LPP: variants seen among roughly 807,000 people sequenced by gnomAD.
LPP encodes the protein lipoma-preferred partner.
A neutral mutation model predicts 60.4 loss-of-function variants in LPP; 38 were observed. That is an observed-to-expected ratio of 0.63 (90% CI 0.49 to 0.83). The LOEUF is 0.83. Among genes scored for constraint, LPP ranks in the 40% least tolerant of loss-of-function variants. The pLI is 0.00. For missense variants in LPP, 902 were observed against 783.6 expected (o/e 1.15, Z -1.80); for synonymous variants, 328 against 290.8 (o/e 1.13, Z -1.30).
intron 3 of LPP, among the ~76,000 whole-genome samples, chr3:188,368,533 A>G (rs1477261064): frequency 6.6e-6 from 1 of 152,094 alleles, no homozygotes; most frequent in South Asian, 2.1e-4. Context: ...TTTATTAGTT[A>G]CTGACAAAAT....
At chr3:188,809,542 T>G (rs1437787009) in intron 9 of LPP, among the ~76,000 whole-genome samples, 2 of 152,216 alleles carry the variant, frequency 1.3e-5, no homozygotes, top group Admixed American at 6.5e-5. Context: ...TGGTTTTTTC[T>G]TATAAATTTG....
chr3:188,599,971 CT>C (rs1407786022), intron 6 of LPP, among the ~76,000 whole-genome samples: 16 of 151,790 alleles, frequency 1.1e-4, no homozygotes, highest in African/African-American at 2.9e-4. Flanking sequence ...TATAAGGTTA[CT>C]TTTTTTCTTT....
intron 2 of LPP, among the ~76,000 whole-genome samples, chr3:188,246,136 T>A (rs1259733513): frequency 6.6e-6 from 1 of 152,208 alleles, no homozygotes; most frequent in East Asian, 1.9e-4. Context: ...TCTATTCCTG[T>A]CTATTCTTTT....
At chr3:188,842,156 C>T (rs546935202) in intron 9 of LPP, among the ~76,000 whole-genome samples, 43 of 152,270 alleles carry the variant, frequency 2.8e-4, no homozygotes, top group African/African-American at 1.0e-3. Flanking sequence ...TTCTCCACAT[C>T]CTCATTTGTT....
intron 4 of LPP, among the ~76,000 whole-genome samples, chr3:188,417,847 C>T (rs1381714958): frequency 6.6e-6 from 1 of 152,172 alleles, no homozygotes; most frequent in East Asian, 1.9e-4. Context: ...TAATTTCAGG[C>T]AGCTTTTTTT....
chr3:188,424,727 G>C (rs1450926693), intron 4 of LPP, among the ~76,000 whole-genome samples: 4 of 152,070 alleles, frequency 2.6e-5, no homozygotes, highest in Admixed American at 2.6e-4. Context: ...GTGAATGGGA[G>C]TTCACTCATG....
chr3:188,683,371 T>C (rs990819224), intron 7 of LPP, among the ~76,000 whole-genome samples: 8 of 152,170 alleles, frequency 5.3e-5, no homozygotes, highest in African/African-American at 1.9e-4. Flanking sequence ...CCCTATGTGC[T>C]CCTTTTACTG....
At chr3:188,188,661 T>C (rs1727282831) in intron 1 of LPP, among the ~76,000 whole-genome samples, 1 of 152,118 alleles carries the variant, frequency 6.6e-6, no homozygotes, top group African/African-American at 2.4e-5. Flanking sequence ...ACGTGGTATA[T>C]AAGGAAGGGT....
chr3:188,509,626 C>G (rs1209951922), intron 5 of LPP, among the ~76,000 whole-genome samples: 1 of 34,834 alleles, frequency 2.9e-5, no homozygotes, highest in South Asian at 1.0e-3. Flanking sequence ...TTTTTGTCCC[C>G]TTCCTTCCTT....
intron 4 of LPP, among the ~76,000 whole-genome samples, chr3:188,474,598 G>T (rs6788663): frequency 0.36 from 54,806 of 152,108 alleles, 9,878 homozygotes; most frequent in African/African-American, 0.39. Context: ...TAAGGGGAAA[G>T]GATGTTTTTG....
intron 4 of LPP, among the ~76,000 whole-genome samples, chr3:188,416,089 TATGAGTCC>T (rs1393308836): frequency 9.0e-6 from 1 of 110,518 alleles, no homozygotes; most frequent in East Asian, 2.2e-4. Context: ...TGCAACTTTC[TATGAGTCC>T]ATATTTAAAA....
Position 188,688,661 on chromosome 3 carries a change from T to G in LPP, c.1114-19606T>G, listed in dbSNP as rs75477693. On this transcript the variant is annotated intron_variant, in intron 7 of 11. Transcript: ENST00000617246. Reference sequence around the variant, plus strand: ...AGTCAGATGAGTAATATAATTAGGTTTGTATTTTATGAAGGGCAACATCTA... The same window carrying G: ...AGTCAGATGAGTAATATAATTAGGTGTGTATTTTATGAAGGGCAACATCTA... 7.6e-3 allele frequency: 3,160 copies of G among 414,918 alleles called. 66 individuals carry two copies. Among genetic ancestry groups the G allele is most frequent in the African/African-American group, 0.057 (2,710 of 47,192 alleles). 25.7% of individuals were successfully genotyped at this position (414,918 alleles called of 1,614,324 possible). A position where few individuals can be genotyped will look rare whatever the true frequency, so the allele number is the denominator to read the frequency against.
chr3:188,546,633 T>TA (rs1182683295), intron 6 of LPP, among the ~76,000 whole-genome samples: 5 of 152,102 alleles, frequency 3.3e-5, no homozygotes, highest in Admixed American at 6.5e-5. Context: ...ACGATATTTT[T>TA]AAAAAAATTG....
At chr3:188,451,416 A>C (rs1187270182) in intron 4 of LPP, among the ~76,000 whole-genome samples, 1 of 152,174 alleles carries the variant, frequency 6.6e-6, no homozygotes, top group African/African-American at 2.4e-5. Flanking sequence ...TTGTCAAGGA[A>C]GGCCATTTTA....
At chr3:188,242,688 G>T (rs1313136311) in intron 2 of LPP, among the ~76,000 whole-genome samples, 1 of 152,158 alleles carries the variant, frequency 6.6e-6, no homozygotes, top group East Asian at 1.9e-4. Flanking sequence ...TGGGCCAGGT[G>T]ATCATCAAGG....
rs1029100458 is a variant in LPP at position 188,827,554 on chromosome 3, C to T, written c.1411-38646C>T. Among the ~76,000 whole-genome samples, 39 of 152,082 alleles carry T rather than the reference C, an allele frequency of 2.6e-4. 1 individual carries two copies. The highest frequency in any genetic ancestry group is 2.9e-5 in the Non-Finnish European group (2 of 68,012). On this transcript the variant is annotated intron_variant, in intron 9 of 11. Transcript: ENST00000617246. ...ACTTAATGACTGGAGTTCAAACTGG[C>T]GGAGTCATTGGCAGCATTAAAGAAG...
intron 2 of LPP, among the ~76,000 whole-genome samples, chr3:188,250,976 T>TCCCTTCCCTTCCCTTCCCTC (rs1560159505): frequency 8.4e-5 from 1 of 11,890 alleles, no homozygotes; most frequent in African/African-American, 3.7e-4. Flanking sequence ...TCCCTTCCCT[T>TCCCTTCCCTTCCCTTCCCTC]CCCTCCCCTC....
intron 9 of LPP, among the ~76,000 whole-genome samples, chr3:188,767,514 G>A (rs538574903): frequency 3.3e-5 from 5 of 152,214 alleles, no homozygotes; most frequent in Admixed American, 2.0e-4. Context: ...GATTGATAAC[G>A]TTAATTTAAT....
chr3:188,647,190 C>T (rs1851256264), intron 7 of LPP, among the ~76,000 whole-genome samples: 2 of 152,354 alleles, frequency 1.3e-5, no homozygotes, highest in South Asian at 4.1e-4. Flanking sequence ...CACTGCATTT[C>T]CCACCATCCA....
Sources: allele counts gnomAD v4.1 joint callset (sites outside exome capture counted in the v4.1 genomes callset), GRCh38; gene constraint gnomAD v4.1.1; transcripts MANE v1.5; gene names NCBI Gene and HGNC (gene_info 2026-07-23, HGNC 2026-07-21).